The following SGCZ variants were observed in gnomAD, a reference collection of about 807,000 sequenced individuals.
SGCZ encodes the protein sarcoglycan zeta, also known as zeta-sarcoglycan.
In SGCZ, 40 loss-of-function variants were observed where a neutral mutation model predicts 41.3. The ratio of observed to expected loss-of-function variants is 0.97; its 90% CI spans 0.75 to 1.26. The LOEUF is 1.26. Ranked by LOEUF, SGCZ falls within the 50% of genes most tolerant of loss-of-function variation. The pLI, the probability that SGCZ is intolerant of heterozygous loss-of-function variation, is 0.00. For synonymous variants in SGCZ, 206 were observed against 137.5 expected (o/e 1.50, Z -3.49); for missense variants, 552 against 369.8 (o/e 1.49, Z -4.04).
intron 5 of SGCZ, among the ~76,000 whole-genome samples, chr8:14,158,564 T>G (rs1360037698): frequency 6.6e-6 from 1 of 152,066 alleles, no homozygotes. Context: ...TCCAATCAAG[T>G]TGACAATATT....
intron 1 of SGCZ, among the ~76,000 whole-genome samples, chr8:14,975,333 T>C (rs1446414346): frequency 6.6e-6 from 1 of 151,924 alleles, no homozygotes; most frequent in Non-Finnish European, 1.5e-5. Flanking sequence ...CAAAAAAGAA[T>C]TCCAGCCTCA....
intron 3 of SGCZ, among the ~76,000 whole-genome samples, chr8:14,244,397 C>G (rs1014013169): frequency 6.6e-6 from 1 of 152,222 alleles, no homozygotes; most frequent in East Asian, 1.9e-4. Context: ...CTACGTCATT[C>G]CTTTCCTTAA....
At chr8:14,138,186 A>G (rs1803259758) in intron 5 of SGCZ, among the ~76,000 whole-genome samples, 1 of 152,220 alleles carries the variant, frequency 6.6e-6, no homozygotes, top group Non-Finnish European at 1.5e-5. Context: ...GGAAGCACTC[A>G]ACATGGAAAG....
intron 4 of SGCZ, among the ~76,000 whole-genome samples, chr8:14,236,085 A>T (rs1161646220): frequency 6.6e-6 from 1 of 152,210 alleles, no homozygotes; most frequent in Non-Finnish European, 1.5e-5. Context: ...ACTTTAAGAA[A>T]ATTAGGACAT....
At chr8:14,339,998 C>G (rs1235376062) in intron 2 of SGCZ, among the ~76,000 whole-genome samples, 2 of 152,082 alleles carry the variant, frequency 1.3e-5, no homozygotes. Context: ...ACTGAAGGAA[C>G]AAATGATACA....
chr8:15,236,928 C>G (rs1396590628), intron 1 of SGCZ, among the ~76,000 whole-genome samples: 3 of 152,186 alleles, frequency 2.0e-5, no homozygotes, highest in African/African-American at 4.8e-5. Context: ...CCCGAGTCCC[C>G]GGACCTGCTC....
At chr8:15,046,441 T>C (rs1048841179) in intron 1 of SGCZ, among the ~76,000 whole-genome samples, 4 of 152,076 alleles carry the variant, frequency 2.6e-5, no homozygotes, top group Admixed American at 2.0e-4. Context: ...AGTTGTAATC[T>C]ATTATTAGTA....
At chr8:14,619,902 C>T (rs1024018304) in intron 1 of SGCZ, among the ~76,000 whole-genome samples, 14 of 152,176 alleles carry the variant, frequency 9.2e-5, no homozygotes, top group Non-Finnish European at 1.8e-4. Flanking sequence ...TCCCATCAAG[C>T]TACCAATGCC....
rs978768546 is a variant in SGCZ at position 14,485,385 on chromosome 8, C to T, written c.234+69347G>A. On this transcript the variant is annotated intron_variant, in intron 2 of 7. Transcript: ENST00000382080. Reference sequence around the variant, plus strand: ...CCGAGTAGCTGGGATTACAGGCGTGCGCCACTATGCCAGGCTAATTTTTTG... The same window carrying T: ...CCGAGTAGCTGGGATTACAGGCGTGTGCCACTATGCCAGGCTAATTTTTTG... Among the ~76,000 whole-genome samples the T allele has an allele frequency of 8.5e-5, 13 of 152,116 alleles. No homozygotes were observed. In the East Asian group the frequency reaches 1.4e-3, roughly 16 times the overall value.
At chr8:14,812,304 T>A (rs941741243) in intron 1 of SGCZ, among the ~76,000 whole-genome samples, 1 of 152,068 alleles carries the variant, frequency 6.6e-6, no homozygotes, top group Non-Finnish European at 1.5e-5. Flanking sequence ...ATATTGTCTC[T>A]GCCCTGCTAA....
At chr8:14,247,047 T>G (rs990091670) in intron 3 of SGCZ, among the ~76,000 whole-genome samples, 1 of 152,156 alleles carries the variant, frequency 6.6e-6, no homozygotes. Flanking sequence ...CTAGAGCTGT[T>G]TACCTGACTT....
chr8:14,860,603 T>A (rs1204230272), intron 1 of SGCZ, among the ~76,000 whole-genome samples: 108 of 79,782 alleles, frequency 1.4e-3, no homozygotes, highest in East Asian at 1.6e-3. Context: ...AAAAGGAAAA[T>A]GAAAAAGACA....
At chr8:14,391,593 G>A (rs945359915) in intron 2 of SGCZ, among the ~76,000 whole-genome samples, 2 of 152,038 alleles carry the variant, frequency 1.3e-5, no homozygotes, top group African/African-American at 4.8e-5. Context: ...GCACCAGTTA[G>A]GAAATCAGCC....
chr8:14,228,388 T>C (rs1048590583), intron 4 of SGCZ, among the ~76,000 whole-genome samples: 36 of 152,126 alleles, frequency 2.4e-4, no homozygotes, highest in Admixed American at 1.0e-3. Flanking sequence ...TTTCTTACTT[T>C]GTTTAACTTA....
intron 3 of SGCZ, among the ~76,000 whole-genome samples, chr8:14,289,125 C>G (rs1232812492): frequency 2.6e-5 from 4 of 151,488 alleles, no homozygotes; most frequent in African/African-American, 7.3e-5. Flanking sequence ...ACTCAGTTGT[C>G]TTCATGTTTT....
intron 1 of SGCZ, among the ~76,000 whole-genome samples, chr8:14,951,976 T>C (rs1267357617): frequency 1.3e-5 from 2 of 152,112 alleles, no homozygotes; most frequent in South Asian, 4.1e-4. Flanking sequence ...ATGAATTCAT[T>C]TGATGAGAAT....
intron 1 of SGCZ, among the ~76,000 whole-genome samples, chr8:15,110,157 A>G (rs1806991462): frequency 6.6e-6 from 1 of 152,156 alleles, no homozygotes; most frequent in African/African-American, 2.4e-5. Flanking sequence ...GGGTTAAATT[A>G]TGGCTTTGAA....
At chr8:14,758,511 G>A (rs919830286) in intron 1 of SGCZ, among the ~76,000 whole-genome samples, 1 of 152,056 alleles carries the variant, frequency 6.6e-6, no homozygotes, top group Non-Finnish European at 1.5e-5. Flanking sequence ...ATTAGAAGTT[G>A]AATCATTCCT....
At chr8:14,850,143 T>G (rs1803263020) in intron 1 of SGCZ, among the ~76,000 whole-genome samples, 1 of 152,226 alleles carries the variant, frequency 6.6e-6, no homozygotes, top group Admixed American at 6.5e-5. Context: ...TTCATGATGT[T>G]TGCTTTACTT....
Sources: allele counts gnomAD v4.1 joint callset (sites outside exome capture counted in the v4.1 genomes callset), GRCh38; gene constraint gnomAD v4.1.1; transcripts MANE v1.5; gene names NCBI Gene and HGNC (gene_info 2026-07-23, HGNC 2026-07-21).